Variants in SLC17A1 observed in about 807,000 individuals in gnomAD.
SLC17A1 encodes the protein sodium-dependent phosphate transport protein 1.
SLC17A1 carries 51 observed loss-of-function variants against 53.5 expected under a neutral mutation model. The observed-to-expected ratio is 0.95, with a 90% CI of 0.76 to 1.20. SLC17A1 has a LOEUF of 1.20. Among genes scored for constraint, SLC17A1 ranks in the 50% most tolerant of loss-of-function variants. The pLI is 0.00. For synonymous variants in SLC17A1, 179 were observed against 198.8 expected (o/e 0.90, Z 0.84); for missense variants, 538 against 568.2 (o/e 0.95, Z 0.54).
At chr6:25,795,256 A>G (rs1195774730) in intron 12 of SLC17A1, among the ~76,000 whole-genome samples, 1 of 152,184 alleles carries the variant, frequency 6.6e-6, no homozygotes, top group Non-Finnish European at 1.5e-5. Context: ...TACCCACATC[A>G]TCTTTGGGGA....
chr6:25,745,574 A>G, the SLC17A1 span, among the ~76,000 whole-genome samples: 1 of 152,208 alleles, frequency 6.6e-6, no homozygotes, highest in Non-Finnish European at 1.5e-5. Flanking sequence ...TCATGGCAAG[A>G]ACACCTTTTC....
chr6:25,823,683 G>C (rs1427213755), intron 3 of SLC17A1, among the ~76,000 whole-genome samples: 1 of 151,792 alleles, frequency 6.6e-6, no homozygotes, highest in Non-Finnish European at 1.5e-5. Flanking sequence ...ATTGAGTGTT[G>C]ATAGAAGTTC....
the SLC17A1 span, among the ~76,000 whole-genome samples, chr6:25,734,025 AG>A: frequency 6.6e-6 from 1 of 152,072 alleles, no homozygotes; most frequent in Non-Finnish European, 1.5e-5. Context: ...CACGATGGTT[AG>A]GTTGATCTCA....
In SLC17A1 at chr6:25,812,752, C is replaced by T. The variant is rs143917243; in HGVS notation, c.897+79G>A. The T allele has an allele frequency of 2.4e-4, 255 of 1,052,516 alleles. No homozygotes were observed. The African/African-American group carries it at 3.8e-3, about 16-fold the overall frequency. 65.2% of individuals were successfully genotyped at this position (1,052,516 alleles called of 1,614,324 possible). A position where few individuals can be genotyped will look rare whatever the true frequency, so the allele number is the denominator to read the frequency against. ...TAGTGTGAGGAGCTGGCAAGAGCTG[C>T]GACTAGGGTCGTTAGAGACAGACAA... On this transcript the variant is annotated intron_variant, in intron 8 of 12. Transcript: ENST00000244527.
Position 25,800,762 on chromosome 6 carries a change from A to G in SLC17A1, c.1269+128T>C, listed in dbSNP as rs568031953. The G allele has an allele frequency of 1.3e-5, 8 of 614,410 alleles. No homozygotes were observed. In the East Asian group the frequency reaches 1.7e-4, roughly 13 times the overall value. The allele number at this position is 614,410 out of a possible 1,614,324, so 38.1% of individuals were successfully genotyped here. On this transcript the variant is annotated intron_variant, in intron 11 of 12. Transcript: ENST00000244527. ...AGAGATGCCTGATTTGACCAAATTT[A>G]TTTTCATATGATGCAAAAACTCATA...
chr6:25,781,382 T>C (rs954112179), downstream of SLC17A1, among the ~76,000 whole-genome samples: 1 of 152,126 alleles, frequency 6.6e-6, no homozygotes, highest in African/African-American at 2.4e-5. Flanking sequence ...AGTGAGTAGT[T>C]ACCAATGCCA....
At chr6:25,826,188 T>A (rs931126318) in intron 3 of SLC17A1, among the ~76,000 whole-genome samples, 1 of 152,136 alleles carries the variant, frequency 6.6e-6, no homozygotes, top group South Asian at 2.1e-4. Flanking sequence ...TCCCTTTTTT[T>A]CCTCTTGTCC....
In SLC17A1 at chr6:25,811,701, C is replaced by A; in HGVS notation, c.967G>T (p.Asp323Tyr). Residue 323 changes from aspartate (D) to tyrosine (Y), a missense_variant, in exon 9 of 13, where the codon GAC becomes TAC. Physicochemically the swap from Asp to Tyr is radical, Grantham distance 160. Transcript: ENST00000244527. ...ICGNLAGQLSDFFLTRNILSV... is the reference protein window; with the variant it reads ...ICGNLAGQLSYFFLTRNILSV... Reference sequence around the variant, plus strand: ...AGAATATTCCTGGTCAGGAAGAAGTCTGATAACTGACCTGCTAGGTTACCA... The same window carrying A: ...AGAATATTCCTGGTCAGGAAGAAGTATGATAACTGACCTGCTAGGTTACCA... 3 of 1,613,668 alleles carry A rather than the reference C, an allele frequency of 1.9e-6. No individual in the cohort carries two copies. The highest frequency in any genetic ancestry group is 1.7e-6 in the Non-Finnish European group (2 of 1,179,680).
chr6:25,823,914 G>A (rs1167333475), intron 3 of SLC17A1, among the ~76,000 whole-genome samples: 1 of 151,824 alleles, frequency 6.6e-6, no homozygotes, highest in Non-Finnish European at 1.5e-5. Context: ...CTATAACTCT[G>A]TGTAAGTCTT....
At chr6:25,736,049 A>G in the SLC17A1 span, among the ~76,000 whole-genome samples, 3 of 151,258 alleles carry the variant, frequency 2.0e-5, no homozygotes, top group Non-Finnish European at 2.9e-5. Context: ...TTGCTCTTGG[A>G]GCACTTTAAA....
chr6:25,813,078 G>A lies in SLC17A1; in HGVS notation c.735+17C>T. The A allele has an allele frequency of 6.2e-7, 1 of 1,611,236 alleles. No homozygotes were observed. The highest frequency in any genetic ancestry group is 8.5e-7 in the Non-Finnish European group (1 of 1,177,382). On this transcript the variant is annotated intron_variant, in intron 7 of 12. Coordinates refer to ENST00000244527, the MANE Select transcript of SLC17A1 (RefSeq NM_005074.5). ...AGTAGAATCTGGGAGATGCCAATAT[G>A]GAGAACTGTGTTCTACCTGCTGGAC...
Position 25,826,564 on chromosome 6 carries a change from GC to G in SLC17A1, c.103del (p.Ala35HisfsTer6). 6.2e-7 allele frequency: 1 copy of G among 1,611,874 alleles called. No individual in the cohort carries two copies. Among genetic ancestry groups the G allele is most frequent in the Non-Finnish European group, 8.5e-7 (1 of 1,178,524 alleles). On this transcript the variant is annotated frameshift_variant, in exon 3 of 13. Coordinates refer to ENST00000244527, the MANE Select transcript of SLC17A1 (RefSeq NM_005074.5). LOFTEE classifies it high-confidence loss of function. ...TGTGAGGTTCAGGCACGCACGCTGT[GC>G]TGTTATTATAACATTACAACAGTGC... ...LVHCCNVIIT[A>X]QRACLNLTMV...
chr6:25,757,791 C>T, the SLC17A1 span, among the ~76,000 whole-genome samples: 1 of 152,134 alleles, frequency 6.6e-6, no homozygotes, highest in Non-Finnish European at 1.5e-5. Context: ...ATGCTGAATC[C>T]TTTATTGTAC....
intron 10 of SLC17A1, among the ~76,000 whole-genome samples, chr6:25,809,531 T>C (rs904148355): frequency 1.3e-5 from 2 of 151,870 alleles, no homozygotes; most frequent in Non-Finnish European, 2.9e-5. Flanking sequence ...ATATAATAGT[T>C]ACAAGAAAAA....
At chr6:25,831,532 G>A (rs1333459473) in intron 1 of SLC17A1, among the ~76,000 whole-genome samples, 2 of 151,782 alleles carry the variant, frequency 1.3e-5, no homozygotes, top group Non-Finnish European at 1.5e-5. Flanking sequence ...ATAAACACAT[G>A]GTACAAACTC....
At chr6:25,800,548 T>C (rs958511575) in intron 11 of SLC17A1, among the ~76,000 whole-genome samples, 1 of 152,124 alleles carries the variant, frequency 6.6e-6, no homozygotes, top group African/African-American at 2.4e-5. Context: ...TCATTCTTTT[T>C]TTGAGAAAAC....
chr6:25,728,665 T>A, the SLC17A1 span, among the ~76,000 whole-genome samples: 34 of 152,072 alleles, frequency 2.2e-4, no homozygotes, highest in Middle Eastern at 3.4e-3. Flanking sequence ...ATACAAAAAA[T>A]TAGCTGGGCG....
At chr6:25,733,075 C>T in the SLC17A1 span, among the ~76,000 whole-genome samples, 6 of 152,138 alleles carry the variant, frequency 3.9e-5, no homozygotes, top group African/African-American at 1.4e-4. Flanking sequence ...TCCTTTAATA[C>T]TCGGTAGTAT....
At chr6:25,801,013 G>T (rs751038351) in intron 10 of SLC17A1, 33 bp from the exon 11 acceptor site, 1 of 1,173,170 alleles carries the variant, frequency 8.5e-7, no homozygotes, top group South Asian at 1.2e-5. Flanking sequence ...CAAATGTAAA[G>T]TAGTACAAAT....
Sources: gnomAD v4.1 joint callset for allele counts (sites outside exome capture counted in the v4.1 genomes callset) on GRCh38, gnomAD v4.1.1 for gene constraint, MANE v1.5 for transcripts, NCBI Gene and HGNC (gene_info 2026-07-23, HGNC 2026-07-21) for gene names.